The following SRRM4 variants were observed in gnomAD, a reference collection of about 807,000 sequenced individuals.
SRRM4 encodes the protein serine/arginine repetitive matrix 4, also known as serine/arginine repetitive matrix protein 4.
Under a neutral mutation model 68.9 loss-of-function variants are expected in SRRM4, and 33 were observed. The observed-to-expected ratio is 0.48, with a 90% CI of 0.36 to 0.64. SRRM4 has a LOEUF of 0.64. SRRM4 is among the 30% of genes least tolerant of loss of function. SRRM4 has a pLI of 0.00. For synonymous variants in SRRM4, 318 were observed against 318.8 expected, an observed-to-expected ratio of 1.00 and a Z score of 0.03; for missense variants, 817 against 827.1, an observed-to-expected ratio of 0.99 and a Z score of 0.15.
chr12:119,108,969 C>T (rs959535485), intron 2 of SRRM4, among the ~76,000 whole-genome samples: 10 of 152,146 alleles, frequency 6.6e-5, no homozygotes, highest in Admixed American at 2.6e-4. Flanking sequence ...TCAGTTGTTC[C>T]TTTCCATGTT....
chr12:119,075,833 GTGATGA>G lies in SRRM4; in HGVS notation c.132-26391_132-26386del, dbSNP rs150272047. Reference sequence around the variant, plus strand: ...GATGATAACGGTGATGATGGTGATGGTGATGATGATGATGATGTTGATGATGGTGGT... The same window carrying G: ...GATGATAACGGTGATGATGGTGATGGTGATGATGATGTTGATGATGGTGGT... On this transcript the variant is annotated intron_variant, in intron 1 of 12. Coordinates refer to ENST00000267260, the MANE Select transcript of SRRM4 (RefSeq NM_194286.4). 3.2e-3 allele frequency among the ~76,000 whole-genome samples: 454 copies of G among 143,280 alleles called. 6 individuals carry two copies. The highest frequency in any genetic ancestry group is 0.012 in the African/African-American group (444 of 38,260). 94.0% of individuals were successfully genotyped at this position (143,280 alleles called of 152,430 possible).
rs1384179026 is a variant in SRRM4, at chr12:119,125,381, A to G, written c.516A>G (p.Gln172=). 3.1e-6 allele frequency: 5 copies of G among 1,611,618 alleles called. No homozygotes were observed. In the African/African-American group the frequency reaches 4.0e-5, roughly 13 times the overall value. ...KRRDEKRHKK[Q]SRSRPRKSHR... Reference sequence around the variant, plus strand: ...ACTCGTTCCTTCTCATCCCCCCAAGATCTCGAAGCCGGCCCCGAAAGTCTC... The same window carrying G: ...ACTCGTTCCTTCTCATCCCCCCAAGGTCTCGAAGCCGGCCCCGAAAGTCTC... The change falls in exon 7 of 13, where the codon CAA becomes CAG. Residue 172 remains glutamine (Q), a splice_region_variant and synonymous_variant. Transcript: ENST00000267260.
At chr12:119,049,780 C>T (rs1193336452) in intron 1 of SRRM4, among the ~76,000 whole-genome samples, 2 of 152,150 alleles carry the variant, frequency 1.3e-5, no homozygotes, top group African/African-American at 4.8e-5. Flanking sequence ...CTCTCTTTGG[C>T]TTACAGATGG....
intron 1 of SRRM4, among the ~76,000 whole-genome samples, chr12:118,987,327 T>A (rs114816729): frequency 1.3e-5 from 2 of 152,120 alleles, no homozygotes; most frequent in African/African-American, 4.8e-5. Context: ...CCCAACGAGA[T>A]GCAGAGAGGG....
At position 119,159,264 on chromosome 12, in the gene SRRM4, T is replaced by G. The variant is rs1222867099; in HGVS notation, c.*2466T>G. On this transcript the variant is annotated 3_prime_UTR_variant, in exon 13 of 13. Transcript: ENST00000267260. ...GTCCCCCAGGAACCTCACAGGGGTATCAAAAAGATGTAAACAGCCCAGAGG... is the reference window on the plus strand; with the variant it reads ...GTCCCCCAGGAACCTCACAGGGGTAGCAAAAAGATGTAAACAGCCCAGAGG... The G allele has an allele frequency of 1.3e-5, 2 of 152,118 alleles. No individual in the cohort carries two copies. The highest frequency in any genetic ancestry group is 1.3e-4 in the Admixed American group (2 of 15,272). 9.4% of individuals were successfully genotyped at this position (152,118 alleles called of 1,614,324 possible). A position where few individuals can be genotyped will look rare whatever the true frequency, so the allele number is the denominator to read the frequency against.
At chr12:119,124,582 C>T (rs1426722521) in intron 6 of SRRM4, among the ~76,000 whole-genome samples, 2 of 152,304 alleles carry the variant, frequency 1.3e-5, no homozygotes, top group East Asian at 1.9e-4. Context: ...GCTGCCACTA[C>T]TATTTCTGAA....
At chr12:119,086,007 G>A (rs1349814207) in intron 1 of SRRM4, among the ~76,000 whole-genome samples, 1 of 152,088 alleles carries the variant, frequency 6.6e-6, no homozygotes, top group Non-Finnish European at 1.5e-5. Context: ...GAGGTAGAAA[G>A]AACACTCAAG....
In SRRM4 at chr12:119,068,016, G is replaced by C. The variant is rs116619937; in HGVS notation, c.132-34220G>C. Reference sequence around the variant, plus strand: ...TTGGTGGCACACACCTTACCTAGCAGATGTTGACAGAATGCAAGTCCACTA... The same window carrying C: ...TTGGTGGCACACACCTTACCTAGCACATGTTGACAGAATGCAAGTCCACTA... On this transcript the variant is annotated intron_variant, in intron 1 of 12. Coordinates refer to ENST00000267260, the MANE Select transcript of SRRM4 (RefSeq NM_194286.4). Among the ~76,000 whole-genome samples, 1,345 of 152,342 alleles carry C rather than the reference G, an allele frequency of 8.8e-3. 21 individuals carry two copies. The highest frequency in any genetic ancestry group is 0.031 in the African/African-American group (1,275 of 41,588).
rs866785048 is a variant in SRRM4, at chr12:119,113,046, A to T, written c.279-1232A>T. ...ATTAGTAGAAAAGCTCAATAATATAAATAGTCTCTCCTCCAGCTGTTTAAA... is the reference window on the plus strand; with the variant it reads ...ATTAGTAGAAAAGCTCAATAATATATATAGTCTCTCCTCCAGCTGTTTAAA... On this transcript the variant is annotated intron_variant, in intron 2 of 12. Coordinates refer to ENST00000267260, the MANE Select transcript of SRRM4 (RefSeq NM_194286.4). Among the ~76,000 whole-genome samples, 323 of 152,324 alleles carry T rather than the reference A, an allele frequency of 2.1e-3. 2 individuals are homozygous for T. The highest frequency in any genetic ancestry group is 7.5e-3 in the African/African-American group (312 of 41,576).
chr12:119,070,595 A>T (rs1953872439), intron 1 of SRRM4, among the ~76,000 whole-genome samples: 1 of 152,124 alleles, frequency 6.6e-6, no homozygotes, highest in African/African-American at 2.4e-5. Context: ...CAAGTCTATA[A>T]ATAGGAAAAC....
chr12:119,008,496 C>T lies in SRRM4; in HGVS notation c.131+26483C>T, dbSNP rs373527552. Among the ~76,000 whole-genome samples the T allele has an allele frequency of 3.9e-5, 6 of 152,252 alleles. No homozygotes were observed. The South Asian group carries it at 1.2e-3, about 32-fold the overall frequency. On this transcript the variant is annotated intron_variant, in intron 1 of 12. Transcript: ENST00000267260. The stretch of plus-strand genomic sequence containing the variant: ...ACTCTTATCTAATGTTGTGTAACAC[C>T]TAACCATGTTGGAGCTACTCTTATC...
chr12:119,041,748 GGTAGT>G (rs1953670240), intron 1 of SRRM4, among the ~76,000 whole-genome samples: 1 of 152,206 alleles, frequency 6.6e-6, no homozygotes. Context: ...TTGGAAATCA[GGTAGT>G]GTTGAGACTC....
chr12:118,981,794 A>G lies in SRRM4; in HGVS notation c.-89A>G. 6.8e-7 allele frequency: 1 copy of G among 1,468,068 alleles called. No individual in the cohort carries two copies. The allele number at this position is 1,468,068 out of a possible 1,614,324, so 90.9% of individuals were successfully genotyped here. A position where few individuals can be genotyped will look rare whatever the true frequency, so the allele number is the denominator to read the frequency against. On this transcript the variant is annotated 5_prime_UTR_variant, in exon 1 of 13. Coordinates refer to ENST00000267260, the MANE Select transcript of SRRM4 (RefSeq NM_194286.4). ...CCCTCTCTGGGTTTCACCCGGACAG[A>G]GCCGGGAGCTGGGTGTCGCCCCCGT...
In SRRM4 at chr12:119,015,267, C is replaced by T. The variant is rs139288460; in HGVS notation, c.131+33254C>T. 3.6e-3 allele frequency among the ~76,000 whole-genome samples: 552 copies of T among 152,264 alleles called. 3 individuals are homozygous for T. Among genetic ancestry groups the T allele is most frequent in the African/African-American group, 0.012 (504 of 41,554 alleles). ...AAATAAAGCCAGAATCCCTTTTTCT[C>T]CATCTCCAGTGCTAGAGAACTAGTC... On this transcript the variant is annotated intron_variant, in intron 1 of 12. Transcript: ENST00000267260.
intron 1 of SRRM4, among the ~76,000 whole-genome samples, chr12:119,075,171 TTGAA>T (rs1953900418): frequency 6.6e-6 from 1 of 152,210 alleles, no homozygotes; most frequent in Non-Finnish European, 1.5e-5. Context: ...GTTCAAAACT[TTGAA>T]TGAGGTTCAT....
intron 8 of SRRM4, 29 bp downstream of exon 8, chr12:119,130,863 A>G (rs758803717): frequency 3.8e-6 from 6 of 1,593,582 alleles, no homozygotes; most frequent in Non-Finnish European, 5.1e-6. Context: ...CTCCTCTGCC[A>G]GCCTTGGCCA....
chr12:119,122,694 G>A (rs1364713865), intron 6 of SRRM4, among the ~76,000 whole-genome samples: 4 of 152,106 alleles, frequency 2.6e-5, no homozygotes. Flanking sequence ...GTATACATAG[G>A]ACACACTAAA....
intron 8 of SRRM4, among the ~76,000 whole-genome samples, chr12:119,139,783 C>T (rs1741722921): frequency 6.6e-6 from 1 of 152,214 alleles, no homozygotes; most frequent in Admixed American, 6.5e-5. Flanking sequence ...AGGACTGCTT[C>T]AGCCCAGAAA....
At chr12:119,018,083 C>T (rs11613804) in intron 1 of SRRM4, among the ~76,000 whole-genome samples, 39,915 of 152,056 alleles carry the variant, frequency 0.26, 6,023 homozygotes, top group Middle Eastern at 0.47. Context: ...GGCTCACTGC[C>T]GCCATGTGCT....
Sources: allele counts gnomAD v4.1 joint callset (sites outside exome capture counted in the v4.1 genomes callset), GRCh38; gene constraint gnomAD v4.1.1; transcripts MANE v1.5; gene names NCBI Gene and HGNC (gene_info 2026-07-23, HGNC 2026-07-21).